Variants in DHRS3 observed in about 807,000 individuals in gnomAD.
DHRS3 encodes the protein dehydrogenase/reductase 3.
A neutral mutation model predicts 27.2 loss-of-function variants in DHRS3; 14 were observed. The ratio of observed to expected loss-of-function variants is 0.52; its 90% CI spans 0.34 to 0.81. DHRS3 has a LOEUF of 0.81. DHRS3 is among the 30% of genes least tolerant of loss of function. DHRS3 has a pLI of 0.01. For missense variants in DHRS3, 322 were observed against 406.2 expected, an observed-to-expected ratio of 0.79 and a Z score of 1.78; for synonymous variants, 165 against 175.9, an observed-to-expected ratio of 0.94 and a Z score of 0.49.
chr1:12,594,636 ACG>A lies in DHRS3; in HGVS notation c.196-13972_196-13971del, dbSNP rs1343495003. On this transcript the variant is annotated intron_variant, in intron 1 of 5. Transcript: ENST00000616661. This position sits in a 1 kb window ranked among gnomAD's most constrained non-coding sequence, Gnocchi z 4.1. ...GGAAGTGAAGGAGGGAGCGATACAG[ACG>A]CGTGGAGGAAGAGCATCCCTGGTGG... 6.6e-6 allele frequency among the ~76,000 whole-genome samples: 1 copy of A among 152,086 alleles called. No individual in the cohort carries two copies. The highest frequency in any genetic ancestry group is 6.6e-5 in the Admixed American group (1 of 15,262).
At position 12,594,923 on chromosome 1, in the gene DHRS3, C is replaced by T. The variant is rs1313140840; in HGVS notation, c.196-14257G>A. Among the ~76,000 whole-genome samples the T allele has an allele frequency of 6.6e-6, 1 of 152,012 alleles. No homozygotes were observed. Among genetic ancestry groups the T allele is most frequent in the Non-Finnish European group, 1.5e-5 (1 of 68,000 alleles). On this transcript the variant is annotated intron_variant, in intron 1 of 5. Transcript: ENST00000616661. This position sits in a 1 kb window ranked among gnomAD's most constrained non-coding sequence, Gnocchi z 4.1. ...CTGGGTGCTGGAGAAAGTGAGCTTC[C>T]CAGAGGACACCAGAGCGTTTGGCCT...
At chr1:12,584,482 C>T (rs1557519412) in intron 1 of DHRS3, among the ~76,000 whole-genome samples, 1 of 150,656 alleles carries the variant, frequency 6.6e-6, no homozygotes, top group South Asian at 2.1e-4. Context: ...TCTGCCTCCT[C>T]ACCCCCCCAC....
At chr1:12,602,710 C>T (rs879600555) in intron 1 of DHRS3, among the ~76,000 whole-genome samples, 3 of 152,230 alleles carry the variant, frequency 2.0e-5, no homozygotes, top group Non-Finnish European at 4.4e-5. Flanking sequence ...TACATTTCCA[C>T]ACCTTCATTT....
Position 12,617,448 on chromosome 1 carries a change from A to C in DHRS3, c.-100T>G. The stretch of plus-strand genomic sequence containing the variant: ...ACAATAAATAGTAAACCGAATAAGG[A>C]GGAGAGAGGCGTCCCACCTGGCCAC... On this transcript the variant is annotated 5_prime_UTR_variant, in exon 1 of 6. Coordinates refer to ENST00000616661, the MANE Select transcript of DHRS3 (RefSeq NM_004753.7). 1 of 1,240,728 alleles carries C rather than the reference A, an allele frequency of 8.1e-7. No homozygotes were observed. The highest frequency in any genetic ancestry group is 1.1e-6 in the Non-Finnish European group (1 of 923,102). The allele number at this position is 1,240,728 out of a possible 1,614,324, so 76.9% of individuals were successfully genotyped here. A position where few individuals can be genotyped will look rare whatever the true frequency, so the allele number is the denominator to read the frequency against.
intron 4 of DHRS3, among the ~76,000 whole-genome samples, chr1:12,573,433 T>A (rs1426678525): frequency 6.6e-6 from 1 of 152,240 alleles, no homozygotes; most frequent in Non-Finnish European, 1.5e-5. Flanking sequence ...CAGTGGCCTG[T>A]CTCCGCCATC....
chr1:12,599,866 C>G (rs1646823188), intron 1 of DHRS3, among the ~76,000 whole-genome samples: 1 of 152,174 alleles, frequency 6.6e-6, no homozygotes, highest in African/African-American at 2.4e-5. Flanking sequence ...TCTCTGAGCC[C>G]TAGTATTTCC....
intron 2 of DHRS3, chr1:12,579,847 A>C (rs77434180): frequency 0.044 from 7,824 of 177,104 alleles, 262 homozygotes; most frequent in East Asian, 0.18. Flanking sequence ...ATGATCAATC[A>C]ATTGATGTGT....
intron 1 of DHRS3, among the ~76,000 whole-genome samples, chr1:12,610,079 T>C (rs1015684028): frequency 7.2e-5 from 11 of 152,182 alleles, no homozygotes; most frequent in African/African-American, 2.6e-4. Flanking sequence ...TTCTGTTTTA[T>C]TTATTTATTT....
chr1:12,589,631 C>T (rs924748773), intron 1 of DHRS3, among the ~76,000 whole-genome samples: 2 of 152,012 alleles, frequency 1.3e-5, no homozygotes, highest in African/African-American at 2.4e-5. Context: ...AGCCACCGTG[C>T]CCAGCCTAAA....
intron 1 of DHRS3, among the ~76,000 whole-genome samples, chr1:12,603,328 TGA>T (rs1216194942): frequency 6.6e-6 from 1 of 152,276 alleles, no homozygotes; most frequent in East Asian, 1.9e-4. Flanking sequence ...GGGAGCGGGC[TGA>T]GTCATTTCCT....
chr1:12,576,501 G>T (rs903014703), intron 4 of DHRS3, among the ~76,000 whole-genome samples: 3 of 151,860 alleles, frequency 2.0e-5, no homozygotes, highest in East Asian at 1.9e-4. Context: ...GACGGAGCTT[G>T]CAGTGAGCCG....
intron 1 of DHRS3, chr1:12,616,507 G>GA (rs1402625538): frequency 2.1e-6 from 2 of 959,634 alleles, no homozygotes; most frequent in Non-Finnish European, 2.5e-6. Flanking sequence ...TACTGGGGGG[G>GA]AGGGGACAGG....
At chr1:12,590,650 A>T (rs148507905) in intron 1 of DHRS3, among the ~76,000 whole-genome samples, 1 of 152,276 alleles carries the variant, frequency 6.6e-6, no homozygotes, top group East Asian at 1.9e-4. Context: ...GCTAAAAAAA[A>T]AAAATAGTTG....
At chr1:12,600,029 G>A (rs1290486768) in intron 1 of DHRS3, among the ~76,000 whole-genome samples, 1 of 152,180 alleles carries the variant, frequency 6.6e-6, no homozygotes, top group Non-Finnish European at 1.5e-5. Flanking sequence ...CTTCAGCCAT[G>A]GTCCACCCTA....
chr1:12,617,512 G>A lies in DHRS3; in HGVS notation c.-164C>T. On this transcript the variant is annotated 5_prime_UTR_variant, in exon 1 of 6. Transcript: ENST00000616661. ...TCTTCCCAAATGCAAAGCACCGGGT[G>A]AGAAAAAGAAAAAAAAAAAAAAAAA... 2 of 211,426 alleles carry A rather than the reference G, an allele frequency of 9.5e-6. No individual in the cohort carries two copies. Among genetic ancestry groups the A allele is most frequent in the Non-Finnish European group, 1.6e-5 (2 of 122,090 alleles). 13.1% of individuals were successfully genotyped at this position (211,426 alleles called of 1,614,324 possible). A position where few individuals can be genotyped will look rare whatever the true frequency, so the allele number is the denominator to read the frequency against.
intron 2 of DHRS3, 124 bp downstream of exon 2, chr1:12,580,396 AGGT>A: frequency 1.5e-6 from 2 of 1,351,728 alleles, no homozygotes; most frequent in Non-Finnish European, 2.1e-6. Flanking sequence ...GAGTCCCCAA[AGGT>A]GCCCCGGGCA....
In DHRS3 at chr1:12,608,124, G is replaced by A. The variant is rs963331363; in HGVS notation, c.195+9030C>T. 6.6e-6 allele frequency among the ~76,000 whole-genome samples: 1 copy of A among 152,106 alleles called. No homozygotes were observed. The highest frequency in any genetic ancestry group is 1.5e-5 in the Non-Finnish European group (1 of 68,028). ...ACTCCTGACGTCAAGTGATCTGCCC[G>A]CCTCGGCCTCCCACAGTGCTGGGAA... is the stretch of plus-strand genomic sequence containing the variant. On this transcript the variant is annotated intron_variant, in intron 1 of 5. Transcript: ENST00000616661. This position sits in a 1 kb window ranked among gnomAD's most constrained non-coding sequence, Gnocchi z 4.1.
chr1:12,590,369 G>GGCGT (rs1209623195), intron 1 of DHRS3, among the ~76,000 whole-genome samples: 2 of 152,168 alleles, frequency 1.3e-5, no homozygotes, highest in Non-Finnish European at 2.9e-5. Flanking sequence ...GGAGTGCAGT[G>GGCGT]GCGTGATCTT....
chr1:12,574,848 C>G lies in DHRS3; in HGVS notation c.699-1995G>C, dbSNP rs1646571444. Among the ~76,000 whole-genome samples the G allele has an allele frequency of 6.6e-6, 1 of 152,220 alleles. No homozygotes were observed. The highest frequency in any genetic ancestry group is 2.4e-5 in the African/African-American group (1 of 41,464). ...AAGCAGTGCAAATTCGTGGAAGAAG[C>G]ATGCTTAGCTAGCCAGTTTCAAGCT... On this transcript the variant is annotated intron_variant, in intron 4 of 5. Coordinates refer to ENST00000616661, the MANE Select transcript of DHRS3 (RefSeq NM_004753.7). This position sits in a 1 kb window ranked among gnomAD's most constrained non-coding sequence, Gnocchi z 4.6.
Sources: gnomAD v4.1 joint callset for allele counts (sites outside exome capture counted in the v4.1 genomes callset) on GRCh38, gnomAD v4.1.1 for gene constraint, Gnocchi (gnomAD v3.1) non-coding constraint, MANE v1.5 for transcripts, NCBI Gene and HGNC (gene_info 2026-07-23, HGNC 2026-07-21) for gene names.